The following MAPKAP1 variants were observed in gnomAD, a reference collection of about 807,000 sequenced individuals.
The protein encoded by MAPKAP1 is target of rapamycin complex 2 subunit MAPKAP1.
In MAPKAP1, 20 loss-of-function variants were observed where a neutral mutation model predicts 65.7. The ratio of observed to expected loss-of-function variants is 0.30; its 90% CI spans 0.21 to 0.44. The LOEUF (loss-of-function observed/expected upper bound fraction) is 0.44, where lower values mean the gene tolerates loss of function less well. Ranked by LOEUF, MAPKAP1 falls within the 20% of genes least tolerant of loss-of-function variation. The pLI is 1.00. For synonymous variants in MAPKAP1, 222 were observed against 244.3 expected, an observed-to-expected ratio of 0.91 and a Z score of 0.85; for missense variants, 423 against 648.0, an observed-to-expected ratio of 0.65 and a Z score of 3.77.
chr9:125,703,243 C>G (rs1371022838), intron 1 of MAPKAP1, among the ~76,000 whole-genome samples: 1 of 152,128 alleles, frequency 6.6e-6, no homozygotes, highest in African/African-American at 2.4e-5. Context: ...TTGGAGACCA[C>G]TGAGGAAGAT....
At chr9:125,496,970 T>A (rs1206323088) in intron 8 of MAPKAP1, among the ~76,000 whole-genome samples, 3 of 152,040 alleles carry the variant, frequency 2.0e-5, no homozygotes, top group Non-Finnish European at 4.4e-5. Context: ...TGAGGGGTGG[T>A]CACAGTCTAG....
chr9:125,569,153 T>C (rs1029449894), intron 5 of MAPKAP1, among the ~76,000 whole-genome samples: 1 of 152,250 alleles, frequency 6.6e-6, no homozygotes, highest in South Asian at 2.1e-4. Context: ...AACTGGATGA[T>C]GTCTCCACCT....
intron 4 of MAPKAP1, among the ~76,000 whole-genome samples, chr9:125,619,797 TA>T (rs202077488): frequency 1.6e-4 from 23 of 147,410 alleles, no homozygotes; most frequent in African/African-American, 4.2e-4. Context: ...TTCGCTACAA[TA>T]AAAAAAAAAT....
intron 4 of MAPKAP1, among the ~76,000 whole-genome samples, chr9:125,647,395 T>C (rs1302773141): frequency 1.3e-5 from 2 of 152,170 alleles, no homozygotes; most frequent in Non-Finnish European, 2.9e-5. Flanking sequence ...TGGGCTTCAT[T>C]ATAAGAGTGA....
intron 6 of MAPKAP1, among the ~76,000 whole-genome samples, chr9:125,549,342 C>G (rs1830519356): frequency 6.6e-6 from 1 of 152,188 alleles, no homozygotes; most frequent in Admixed American, 6.5e-5. Context: ...TGGTCCAATT[C>G]CATGCATGTT....
At chr9:125,548,209 AC>A (rs1830483993) in intron 6 of MAPKAP1, among the ~76,000 whole-genome samples, 1 of 152,244 alleles carries the variant, frequency 6.6e-6, no homozygotes, top group Non-Finnish European at 1.5e-5. Flanking sequence ...TCAGAAATCA[AC>A]AATGTGGTCC....
intron 4 of MAPKAP1, among the ~76,000 whole-genome samples, chr9:125,605,834 G>A (rs1430472387): frequency 6.6e-6 from 1 of 152,232 alleles, no homozygotes; most frequent in African/African-American, 2.4e-5. Context: ...ACAGTTCATG[G>A]AGTGAATAAG....
At chr9:125,558,824 C>T (rs1830811363) in intron 6 of MAPKAP1, among the ~76,000 whole-genome samples, 1 of 152,224 alleles carries the variant, frequency 6.6e-6, no homozygotes, top group African/African-American at 2.4e-5. Context: ...TTTTCACTAA[C>T]TTCTAATATT....
intron 7 of MAPKAP1, among the ~76,000 whole-genome samples, chr9:125,519,615 C>A (rs1829560941): frequency 1.3e-5 from 2 of 148,534 alleles, no homozygotes; most frequent in Admixed American, 7.0e-5. Flanking sequence ...GATGACAAAG[C>A]AAGACCTTGT....
chr9:125,649,352 T>A (rs1255496676), intron 4 of MAPKAP1, among the ~76,000 whole-genome samples: 2 of 152,162 alleles, frequency 1.3e-5, no homozygotes, highest in Non-Finnish European at 2.9e-5. Flanking sequence ...TCCCCTAACC[T>A]CCAACAATTA....
chr9:125,495,563 G>A (rs1365272175), intron 8 of MAPKAP1, among the ~76,000 whole-genome samples: 2 of 152,090 alleles, frequency 1.3e-5, no homozygotes, highest in Non-Finnish European at 2.9e-5. Flanking sequence ...AGGTCTAAAT[G>A]CACTTAAACC....
intron 9 of MAPKAP1, among the ~76,000 whole-genome samples, chr9:125,481,472 G>A (rs918167318): frequency 6.6e-6 from 1 of 152,100 alleles, no homozygotes; most frequent in African/African-American, 2.4e-5. Flanking sequence ...GCCCAGGCTG[G>A]AGTGTAATGG....
At chr9:125,521,672 C>T in intron 7 of MAPKAP1, 4 of 1,571,320 alleles carry the variant, frequency 2.5e-6, no homozygotes, top group Non-Finnish European at 3.4e-6. Context: ...TTTCTGACAT[C>T]CAGTCCAGTA....
intron 9 of MAPKAP1, among the ~76,000 whole-genome samples, chr9:125,476,303 G>A (rs2133012527): frequency 6.6e-6 from 1 of 152,300 alleles, no homozygotes; most frequent in Non-Finnish European, 1.5e-5. Flanking sequence ...TTCAGGAAAT[G>A]CTGTCACAAT....
intron 3 of MAPKAP1, among the ~76,000 whole-genome samples, chr9:125,661,608 A>G (rs1834188073): frequency 6.6e-6 from 1 of 152,230 alleles, no homozygotes; most frequent in Non-Finnish European, 1.5e-5. Context: ...AGGGGATATA[A>G]ATATAAATAT....
chr9:125,493,476 C>G (rs941659285), intron 8 of MAPKAP1, among the ~76,000 whole-genome samples: 4 of 152,218 alleles, frequency 2.6e-5, no homozygotes, highest in African/African-American at 7.2e-5. Flanking sequence ...ACATCCCATT[C>G]TACAAAGCAC....
intron 4 of MAPKAP1, among the ~76,000 whole-genome samples, chr9:125,649,788 A>G (rs1412644104): frequency 6.7e-6 from 1 of 148,514 alleles, no homozygotes; most frequent in Non-Finnish European, 1.5e-5. Context: ...GGGTGACAGA[A>G]ACTCCGTCTC....
chr9:125,484,202 G>A (rs1355007523), intron 9 of MAPKAP1, among the ~76,000 whole-genome samples: 3 of 152,190 alleles, frequency 2.0e-5, no homozygotes, highest in East Asian at 1.9e-4. Context: ...AAGTCAATCA[G>A]TTTGAAAAGA....
At chr9:125,485,594 A>T (rs905554123) in intron 8 of MAPKAP1, among the ~76,000 whole-genome samples, 1 of 152,180 alleles carries the variant, frequency 6.6e-6, no homozygotes, top group Non-Finnish European at 1.5e-5. Flanking sequence ...TCAGGCTTTT[A>T]TAATTCTGGG....
Sources: allele counts gnomAD v4.1 joint callset (sites outside exome capture counted in the v4.1 genomes callset), GRCh38; gene constraint gnomAD v4.1.1; transcripts MANE v1.5; gene names NCBI Gene and HGNC (gene_info 2026-07-23, HGNC 2026-07-21).